GRHL3: variants seen among roughly 807,000 people sequenced by gnomAD.
The protein encoded by GRHL3 is grainyhead like transcription factor 3.
Under a neutral mutation model 70.3 loss-of-function variants are expected in GRHL3, and 20 were observed. That is an observed-to-expected ratio of 0.28 (90% confidence interval 0.20 to 0.41). The LOEUF (loss-of-function observed/expected upper bound fraction) is 0.41. GRHL3 is among the 10% of genes least tolerant of loss of function. The probability of loss-of-function intolerance (pLI) is 1.00; values close to 1 mark genes in which losing one functional copy is unlikely to be tolerated. For synonymous variants in GRHL3, 299 were observed against 299.9 expected (o/e 1.00, Z 0.03); for missense variants, 637 against 762.3 (o/e 0.84, Z 1.94).
At chr1:24,329,256 G>A (rs962590214) in intron 1 of GRHL3, among the ~76,000 whole-genome samples, 4 of 152,198 alleles carry the variant, frequency 2.6e-5, no homozygotes, top group East Asian at 1.9e-4. Flanking sequence ...GGATGAAGCC[G>A]CTGGGAGAGC....
rs954635487 is a variant in GRHL3, at chr1:24,350,097, A to G, written c.1669A>G (p.Lys557Glu). The change falls in exon 15 of 16, where the codon AAA becomes GAA. Residue 557 changes from lysine (K) to glutamate (E), a missense_variant. This residue lies in a region of GRHL3 where 387 missense variants were observed against 513.8 expected (regional missense o/e 0.75). Transcript: ENST00000361548. ...KYGFPEENIY[K>E]VYKKCKRGIL... is the part of the protein sequence containing the mutation. ...TGGGTTCCCTGAAGAGAACATTTAC[A>G]AAGTCTACAAGAAATGCAAGCGAGG... is the stretch of plus-strand genomic sequence containing the variant. 6.2e-7 allele frequency: 1 copy of G among 1,613,846 alleles called. No individual in the cohort carries two copies. Among genetic ancestry groups the G allele is most frequent in the African/African-American group, 1.3e-5 (1 of 74,942 alleles).
Position 24,355,254 on chromosome 1 carries a change from GATGC to G in GRHL3, c.*769_*772del, listed in dbSNP as rs1300156334. The stretch of plus-strand genomic sequence containing the variant: ...GGACTTTTTTTAGCTGTTATTCAGT[GATGC>G]ATTTTGTATACTCACGTGGTATTTA... On this transcript the variant is annotated 3_prime_UTR_variant, in exon 16 of 16. Transcript: ENST00000361548. The G allele has an allele frequency of 2.0e-5, 3 of 152,472 alleles. No individual in the cohort carries two copies. The highest frequency in any genetic ancestry group is 7.3e-5 in the African/African-American group (3 of 41,376). 9.4% of individuals were successfully genotyped at this position (152,472 alleles called of 1,614,324 possible).
At chr1:24,352,101 A>G (rs1161301737) in intron 15 of GRHL3, among the ~76,000 whole-genome samples, 5 of 152,062 alleles carry the variant, frequency 3.3e-5, no homozygotes, top group South Asian at 2.1e-4. Flanking sequence ...AGCCCTTCAC[A>G]GGCACCCCAC....
chr1:24,364,444 G>A (rs1641325125), exon 16 of GRHL3: 6 of 1,444,934 alleles, frequency 4.2e-6, no homozygotes, highest in Non-Finnish European at 5.5e-6. Flanking sequence ...AGAGTATGTG[G>A]CCCCTGAATA....
In GRHL3 at chr1:24,342,583, G is replaced by C; in HGVS notation, c.1207-111G>C. ...CTTCCCATTTCCTGGTCTTGTTCTG[G>C]AAAAAAGAAGGACCAGAAGCTTGGC... On this transcript the variant is annotated intron_variant, in intron 9 of 15. Transcript: ENST00000361548. The surrounding 1 kb of genome is among the most constrained non-coding windows in gnomAD (Gnocchi z 4.8). The C allele has an allele frequency of 3.7e-6, 4 of 1,071,274 alleles. No homozygotes were observed. Among genetic ancestry groups the C allele is most frequent in the Non-Finnish European group, 5.7e-6 (4 of 700,288 alleles). The allele number at this position is 1,071,274 out of a possible 1,614,324, so 66.4% of individuals were successfully genotyped here.
At position 24,337,097 on chromosome 1, in the gene GRHL3, T is replaced by C. The variant is rs1639849246; in HGVS notation, c.632T>C (p.Ile211Thr). Residue 211 changes from isoleucine to threonine, a missense_variant, in exon 5 of 16, where the codon ATC (isoleucine) becomes ACC (threonine). Ile to Thr is a moderately conservative substitution (Grantham distance 89, BLOSUM62 -1). Coordinates refer to ENST00000361548, the MANE Select transcript of GRHL3 (RefSeq NM_198173.3). ...DPQESMLFPD[I>T]LKTSPEPPCP... Reference sequence around the variant, plus strand: ...CTGCAGTCGATGCTCTTCCCAGATATCCTGAAAACCTCCCCGGAACCCCCA... The same window carrying C: ...CTGCAGTCGATGCTCTTCCCAGATACCCTGAAAACCTCCCCGGAACCCCCA... 1.2e-6 allele frequency: 2 copies of C among 1,613,956 alleles called. No individual in the cohort carries two copies. Among genetic ancestry groups the C allele is most frequent in the East Asian group, 2.2e-5 (1 of 44,894 alleles).
chr1:24,328,645 G>A (rs1047032710), intron 1 of GRHL3, among the ~76,000 whole-genome samples: 1 of 152,178 alleles, frequency 6.6e-6, no homozygotes, highest in Non-Finnish European at 1.5e-5. Context: ...GGGGCTCCAG[G>A]CCCAGACCTG....
Position 24,336,618 on chromosome 1 carries a change from T to C in GRHL3, c.403T>C (p.Leu135=). The stretch of plus-strand genomic sequence containing the variant: ...GCTCAAGAAGAATAACCTGATGAGC[T>C]TGGAGGGGGCCTTGCCCACCCCTGG... ...DLLKKNNLMS[L]EGALPTPGKA... Residue 135 remains leucine (L), a synonymous_variant, in exon 4 of 16, where the codon TTG becomes CTG. Transcript: ENST00000361548. The C allele has an allele frequency of 6.2e-7, 1 of 1,614,188 alleles. No homozygotes were observed. The highest frequency in any genetic ancestry group is 8.5e-7 in the Non-Finnish European group (1 of 1,180,012).
chr1:24,319,566 T>A lies in GRHL3; in HGVS notation c.15T>A (p.Leu5=), dbSNP rs995928853. 2 of 1,613,748 alleles carry A rather than the reference T, an allele frequency of 1.2e-6. No homozygotes were observed. The highest frequency in any genetic ancestry group is 2.7e-5 in the African/African-American group (2 of 74,916). ...GGAGCAGGAAGATGTCGAATGAACT[T>A]GAGTGAGTAAACATCGGTGGATACC... The part of the protein sequence containing the change: MSNE[L]DFRSVRLLKN... The change falls in exon 1 of 16, where the codon CTT becomes CTA. Residue 5 remains leucine (L), a splice_region_variant and synonymous_variant. Transcript: ENST00000361548.
chr1:24,337,830 G>A, intron 6 of GRHL3, 41 bp downstream of exon 6: 2 of 1,612,936 alleles, frequency 1.2e-6, no homozygotes, highest in Non-Finnish European at 1.7e-6. Context: ...GTGGAATGGG[G>A]CAAGATATAC....
At chr1:24,331,266 T>C (rs754535144) in intron 1 of GRHL3, among the ~76,000 whole-genome samples, 160 bp from the exon 2 acceptor site, 1 of 152,200 alleles carries the variant, frequency 6.6e-6, no homozygotes. Flanking sequence ...CCAGAGTTTG[T>C]GTCCATTCTG....
intron 1 of GRHL3, among the ~76,000 whole-genome samples, chr1:24,330,831 TC>T (rs1340439345): frequency 6.6e-6 from 1 of 152,202 alleles, no homozygotes; most frequent in Non-Finnish European, 1.5e-5. Context: ...AGCCTTCAAC[TC>T]CAGTTCCTGG....
chr1:24,343,246 A>G (rs992390152), intron 11 of GRHL3: 9 of 537,778 alleles, frequency 1.7e-5, no homozygotes, highest in East Asian at 3.0e-5. Context: ...TTTCGTAACC[A>G]TTAAAACGTT....
chr1:24,336,660 C>T lies in GRHL3; in HGVS notation c.445C>T (p.Pro149Ser), dbSNP rs140960821. 63 of 1,614,162 alleles carry T rather than the reference C, an allele frequency of 3.9e-5. No homozygotes were observed. In the African/African-American group the frequency reaches 7.3e-4, roughly 19 times the overall value. ...CACCCCTGGCAAGGCAGCTCCCCTC[C>T]CTGCAGGCCCCAGCAAGCTGGAGGC... ...LPTPGKAAPL[P>S]AGPSKLEAGS... Residue 149 changes from proline to serine, a missense_variant, in exon 4 of 16, where the codon CCT (proline) becomes TCT (serine). Physicochemically the swap from Pro to Ser is moderately conservative, Grantham distance 74 (BLOSUM62 -1). Transcript: ENST00000361548.
In GRHL3 at chr1:24,342,207, C is replaced by A. The variant is rs1388620854; in HGVS notation, c.1140C>A (p.Asp380Glu). Residue 380 changes from aspartate to glutamate, a missense_variant, in exon 9 of 16, where the codon GAC becomes GAA. By Grantham distance (45) the Asp-to-Glu change is conservative. This residue lies in a region of GRHL3 where 387 missense variants were observed against 513.8 expected (regional missense o/e 0.75). Coordinates refer to ENST00000361548, the MANE Select transcript of GRHL3 (RefSeq NM_198173.3). This position sits in a 1 kb window ranked among gnomAD's most constrained non-coding sequence, Gnocchi z 4.8. ...VPLNLQIDTY[D>E]CGLGTERLVH... ...TGAACCTGCAGATTGACACCTATGA[C>A]TGTGGCTTGGGCACTGAGCGCCTGG... 1 of 1,613,690 alleles carries A rather than the reference C, an allele frequency of 6.2e-7. No homozygotes were observed. Among genetic ancestry groups the A allele is most frequent in the African/African-American group, 1.3e-5 (1 of 75,028 alleles).
downstream of GRHL3, among the ~76,000 whole-genome samples, chr1:24,359,546 G>A (rs1448785816): frequency 6.6e-6 from 1 of 152,196 alleles, no homozygotes; most frequent in Non-Finnish European, 1.5e-5. The surrounding 1 kb of genome is among the most constrained non-coding windows in gnomAD (Gnocchi z 5.3). Flanking sequence ...CCTTCTCCTG[G>A]CCCAGTCTGC....
chr1:24,343,047 C>T lies in GRHL3; in HGVS notation c.1419+22C>T, dbSNP rs58888913. ...AGGGGTGAGGCCAGGGCTGGGGTCT[C>T]GGGAAGGAGCCGAGAGAGGGTCCTG... On this transcript the variant is annotated intron_variant, in intron 11 of 15. Coordinates refer to ENST00000361548, the MANE Select transcript of GRHL3 (RefSeq NM_198173.3). 5.2e-3 allele frequency: 8,346 copies of T among 1,613,738 alleles called. 350 individuals are homozygous for T. In the African/African-American group the frequency reaches 0.092, roughly 18 times the overall value.
In GRHL3 at chr1:24,354,448, A is replaced by T. The variant is rs1220369297; in HGVS notation, c.1769A>T (p.Glu590Val). ...GTCGCCTTCCTGCTGGACATGGGGG[A>T]GCTGGACGGCAAAATTCAGATCATC... is the stretch of plus-strand genomic sequence containing the variant. ...NHVAFLLDMG[E>V]LDGKIQIILK... is the part of the protein sequence containing the mutation. Residue 590 changes from glutamate to valine, a missense_variant, in exon 16 of 16, where the codon GAG (glutamate) becomes GTG (valine). Coordinates refer to ENST00000361548, the MANE Select transcript of GRHL3 (RefSeq NM_198173.3). 1 of 1,613,516 alleles carries T rather than the reference A, an allele frequency of 6.2e-7. No individual in the cohort carries two copies. Among genetic ancestry groups the T allele is most frequent in the African/African-American group, 1.3e-5 (1 of 74,790 alleles).
chr1:24,354,515 G>C lies in GRHL3; in HGVS notation c.*27G>C, dbSNP rs185866621. 11 of 1,435,754 alleles carry C rather than the reference G, an allele frequency of 7.7e-6. No individual in the cohort carries two copies. The highest frequency in any genetic ancestry group is 1.1e-5 in the Non-Finnish European group (11 of 1,017,556). 88.9% of individuals were successfully genotyped at this position (1,435,754 alleles called of 1,614,324 possible). A position where few individuals can be genotyped will look rare whatever the true frequency, so the allele number is the denominator to read the frequency against. ...GCCTCTCGAGCATCCAAACCCTCAC[G>C]ACCTGCAAGGGGCCAGCAGGGACGT... On this transcript the variant is annotated 3_prime_UTR_variant, in exon 16 of 16. Coordinates refer to ENST00000361548, the MANE Select transcript of GRHL3 (RefSeq NM_198173.3).
Sources: gnomAD v4.1 joint callset for allele counts (sites outside exome capture counted in the v4.1 genomes callset) on GRCh38, gnomAD v4.1.1 for gene constraint, gnomAD v4.1.1 regional missense constraint, Gnocchi (gnomAD v3.1) non-coding constraint, MANE v1.5 for transcripts, NCBI Gene and HGNC (gene_info 2026-07-23, HGNC 2026-07-21) for gene names.